SPAG9: variants seen among roughly 807,000 people sequenced by gnomAD.
The protein encoded by SPAG9 is sperm associated antigen 9.
SPAG9 carries 35 observed loss-of-function variants against 166.5 expected under a neutral mutation model. The ratio of observed to expected loss-of-function variants is 0.21; its 90% confidence interval spans 0.16 to 0.28. SPAG9 has a LOEUF of 0.28. SPAG9 is among the 10% of genes least tolerant of loss of function. SPAG9 has a pLI of 1.00. For synonymous variants in SPAG9, 534 were observed against 565.5 expected (o/e 0.94, Z 0.79); for missense variants, 1,235 against 1,603.3 (o/e 0.77, Z 3.92).
chr17:50,984,858 T>C (rs1341168863), intron 24 of SPAG9, 65 bp downstream of exon 24: 3 of 1,222,858 alleles, frequency 2.5e-6, no homozygotes, highest in East Asian at 4.6e-5. Context: ...CATAAACCAA[T>C]CTACTTAAAA....
In SPAG9 at chr17:51,010,756, T is replaced by C. The variant is rs115368780; in HGVS notation, c.1214-3430A>G. ...AGAGCAGCCTTGGGGGACAGAACAA[T>C]AAAGATAACAAACTGAGCTTTATAC... On this transcript the variant is annotated intron_variant, in intron 9 of 29. Coordinates refer to ENST00000262013, the MANE Select transcript of SPAG9 (RefSeq NM_001130528.3). 4.5e-3 allele frequency among the ~76,000 whole-genome samples: 677 copies of C among 151,884 alleles called. 6 individuals are homozygous for C. Among genetic ancestry groups the C allele is most frequent in the African/African-American group, 0.016 (653 of 41,428 alleles).
At chr17:51,001,647 CCACATGAAGGAATA>C in intron 13 of SPAG9, 54 bp downstream of exon 13, 1 of 1,491,212 alleles carries the variant, frequency 6.7e-7, no homozygotes, top group Non-Finnish European at 9.1e-7. Context: ...GACTTAAGTT[CCACATGAAGGAATA>C]TTCAAACCTA....
At chr17:51,071,480 C>A (rs1272056690) in intron 2 of SPAG9, among the ~76,000 whole-genome samples, 1 of 152,080 alleles carries the variant, frequency 6.6e-6, no homozygotes, top group Non-Finnish European at 1.5e-5. Flanking sequence ...GAATAATATA[C>A]AGCATTTTAA....
At chr17:50,979,380 GAAAAA>G (rs76167072) in intron 26 of SPAG9, among the ~76,000 whole-genome samples, 1 of 76,084 alleles carries the variant, frequency 1.3e-5, no homozygotes, top group Non-Finnish European at 2.7e-5. Flanking sequence ...TTGAAAAAAA[GAAAAA>G]AAAAAAAAAA....
At position 50,990,062 on chromosome 17, in the gene SPAG9, C is replaced by T. The variant is rs997937100; in HGVS notation, c.2618-190G>A. 5.7e-5 allele frequency: 35 copies of T among 614,296 alleles called. No individual in the cohort carries two copies. The East Asian group carries it at 9.9e-4, about 17-fold the overall frequency. The allele number at this position is 614,296 out of a possible 1,614,324, so 38.1% of individuals were successfully genotyped here. The stretch of plus-strand genomic sequence containing the variant: ...TTTTTTTTTGAGACAGAGTCTTGCT[C>T]TGTTGCCCAGGCTGGAGTGCGGCGG... On this transcript the variant is annotated intron_variant, in intron 20 of 29. Coordinates refer to ENST00000262013, the MANE Select transcript of SPAG9 (RefSeq NM_001130528.3).
In SPAG9 at chr17:51,006,182, A is replaced by G; in HGVS notation, c.1327T>C (p.Cys443Arg). ...TCCCCTTGCAGCACATCTTTCTCAC[A>G]GGTCAGTTCATCCACTTTTGCTATC... ...DLIAKVDELT[C>R]EKDVLQGELE... Residue 443 changes from cysteine (C) to arginine (R), a missense_variant, in exon 11 of 30, where the codon TGT becomes CGT. Transcript: ENST00000262013. 1 of 1,614,212 alleles carries G rather than the reference A, an allele frequency of 6.2e-7. No homozygotes were observed. Among genetic ancestry groups the G allele is most frequent in the Non-Finnish European group, 8.5e-7 (1 of 1,180,012 alleles).
intron 6 of SPAG9, among the ~76,000 whole-genome samples, chr17:51,022,569 TC>T (rs1024141140): frequency 6.6e-6 from 1 of 151,898 alleles, no homozygotes; most frequent in African/African-American, 2.4e-5. Flanking sequence ...ATGAAGCAGT[TC>T]TTTTGGAGCA....
In SPAG9 at chr17:51,077,009, GCTAGCTAGCTATCTAGCTATCTAT is replaced by G. The variant is rs2047999625; in HGVS notation, c.424+2551_424+2574del. Among the ~76,000 whole-genome samples, 162 of 69,432 alleles carry G rather than the reference GCTAGCTAGCTATCTAGCTATCTAT, an allele frequency of 2.3e-3. 2 individuals are homozygous for G. Among genetic ancestry groups the G allele is most frequent in the Middle Eastern group, 6.4e-3 (1 of 156 alleles). The allele number at this position is 69,432 out of a possible 152,430, so 45.6% of individuals were successfully genotyped here. A position where few individuals can be genotyped will look rare whatever the true frequency, so the allele number is the denominator to read the frequency against. On this transcript the variant is annotated intron_variant, in intron 2 of 29. Transcript: ENST00000262013. ...ATCTAGCTATCTAGCTATCTAGCTAGCTAGCTAGCTATCTAGCTATCTATCTAGCTATCTAGCTATCTAGCTAGC... is the reference window on the plus strand; with the variant it reads ...ATCTAGCTATCTAGCTATCTAGCTAGCTAGCTATCTAGCTATCTAGCTAGC...
At position 50,990,514 on chromosome 17, in the gene SPAG9, A is replaced by T; in HGVS notation, c.2553T>A (p.Gly851=). The change falls in exon 20 of 30, where the codon GGT becomes GGA. Residue 851 remains glycine (G), a synonymous_variant. Coordinates refer to ENST00000262013, the MANE Select transcript of SPAG9 (RefSeq NM_001130528.3). The stretch of plus-strand genomic sequence containing the variant: ...TAGGGGAAGTGGCAGCTCCCGTCAC[A>T]CCTTCTGCAGAACAACCAACCACTG... The part of the protein sequence containing the change: ...GITVVGCSAE[G]VTGAATSPST... 1 of 1,614,164 alleles carries T rather than the reference A, an allele frequency of 6.2e-7. No homozygotes were observed. Among genetic ancestry groups the T allele is most frequent in the Non-Finnish European group, 8.5e-7 (1 of 1,180,028 alleles).
At chr17:50,977,481 G>T (rs1974287754) in intron 26 of SPAG9, among the ~76,000 whole-genome samples, 1 of 151,994 alleles carries the variant, frequency 6.6e-6, no homozygotes, top group Non-Finnish European at 1.5e-5. Context: ...CCTAAAAGTG[G>T]GTAACATAAC....
intron 24 of SPAG9, among the ~76,000 whole-genome samples, chr17:50,984,425 G>A (rs1440180557): frequency 2.6e-5 from 4 of 152,148 alleles, no homozygotes; most frequent in Non-Finnish European, 5.9e-5. Context: ...GGTGGCTCAC[G>A]CCTGTAATCC....
intron 21 of SPAG9, among the ~76,000 whole-genome samples, chr17:50,987,489 A>G (rs1426867987): frequency 2.0e-5 from 3 of 151,830 alleles, no homozygotes; most frequent in East Asian, 3.9e-4. Flanking sequence ...AGAGGCACAC[A>G]CACTATCACA....
chr17:51,097,087 C>G (rs941723138), intron 1 of SPAG9, among the ~76,000 whole-genome samples: 1 of 152,216 alleles, frequency 6.6e-6, no homozygotes, highest in Admixed American at 6.5e-5. Context: ...GGTTTCATAC[C>G]TACGTAGTGA....
chr17:51,015,662 G>A (rs983325708), intron 8 of SPAG9, among the ~76,000 whole-genome samples: 3 of 150,950 alleles, frequency 2.0e-5, no homozygotes, highest in Admixed American at 6.6e-5. Context: ...TGTTGCATTC[G>A]TAAAATAGCA....
Position 50,979,867 on chromosome 17 carries a change from C to T in SPAG9, c.3288G>A (p.Ala1096=), listed in dbSNP as rs144524644. ...PRKESQVRQL[A]WVGDGVWVSI... ...AGACCCACACGCCATCCCCCACCCA[C>T]GCAAGCTGTCGCACTTGGCTCTCCT... Residue 1096 remains alanine, a synonymous_variant, in exon 26 of 30, where the codon GCG becomes GCA. Coordinates refer to ENST00000262013, the MANE Select transcript of SPAG9 (RefSeq NM_001130528.3). The T allele has an allele frequency of 2.5e-5, 41 of 1,614,044 alleles. No individual in the cohort carries two copies. Among genetic ancestry groups the T allele is most frequent in the Middle Eastern group, 1.6e-4 (1 of 6,084 alleles).
chr17:51,042,740 T>G (rs1055706091), intron 4 of SPAG9, among the ~76,000 whole-genome samples: 1 of 152,200 alleles, frequency 6.6e-6, no homozygotes, highest in Non-Finnish European at 1.5e-5. Context: ...CTAAAAGGAC[T>G]AGTAAAACTA....
intron 26 of SPAG9, 50 bp downstream of exon 26, chr17:50,979,691 GATAAA>G (rs1974454630): frequency 6.5e-7 from 1 of 1,530,024 alleles, no homozygotes; most frequent in Non-Finnish European, 9.0e-7. Flanking sequence ...CACATAGATA[GATAAA>G]ATAAAACACC....
intron 9 of SPAG9, chr17:51,007,741 T>TTA: frequency 4.9e-6 from 2 of 404,150 alleles, no homozygotes; most frequent in South Asian, 3.6e-5. Context: ...ACATCTGACC[T>TTA]CGTAGGCTTT....
chr17:50,977,367 G>C lies in SPAG9; in HGVS notation c.3410-146C>G, dbSNP rs913718658. On this transcript the variant is annotated intron_variant, in intron 26 of 29. Transcript: ENST00000262013. ...AGGATTGATACAACACAGAGGAAATGTGACTAGAGCTAGATGGATGTTTCC... is the reference window on the plus strand; with the variant it reads ...AGGATTGATACAACACAGAGGAAATCTGACTAGAGCTAGATGGATGTTTCC... 1.4e-4 allele frequency: 88 copies of C among 630,110 alleles called. No individual in the cohort carries two copies. The African/African-American group carries it at 1.6e-3, about 11-fold the overall frequency. The allele number at this position is 630,110 out of a possible 1,614,324, so 39.0% of individuals were successfully genotyped here. A position where few individuals can be genotyped will look rare whatever the true frequency, so the allele number is the denominator to read the frequency against.
Sources: gnomAD v4.1 joint callset for allele counts (sites outside exome capture counted in the v4.1 genomes callset) on GRCh38, gnomAD v4.1.1 for gene constraint, MANE v1.5 for transcripts, NCBI Gene and HGNC (gene_info 2026-07-23, HGNC 2026-07-21) for gene names.